The following EBF3 variants were observed in gnomAD, a reference collection of about 807,000 sequenced individuals.
The protein encoded by EBF3 is transcription factor COE3.
A neutral mutation model predicts 77.1 loss-of-function variants in EBF3; 18 were observed. The ratio of observed to expected loss-of-function variants is 0.23; its 90% CI spans 0.16 to 0.35. The LOEUF (loss-of-function observed/expected upper bound fraction) is 0.35, where lower values mean the gene tolerates loss of function less well. EBF3 is among the 10% of genes least tolerant of loss of function. EBF3 has a pLI of 1.00. For missense variants in EBF3, 558 were observed against 860.0 expected, an observed-to-expected ratio of 0.65 and a Z score of 4.39; for synonymous variants, 350 against 343.5, an observed-to-expected ratio of 1.02 and a Z score of -0.21.
At chr10:129,923,723 A>T (rs963323378) in intron 6 of EBF3, among the ~76,000 whole-genome samples, 1 of 152,266 alleles carries the variant, frequency 6.6e-6, no homozygotes, top group African/African-American at 2.4e-5. Flanking sequence ...AGATGTCGCA[A>T]CATTGGATTT....
At chr10:129,945,941 C>T (rs1422609057) in intron 6 of EBF3, among the ~76,000 whole-genome samples, 3 of 151,598 alleles carry the variant, frequency 2.0e-5, no homozygotes, top group Non-Finnish European at 2.9e-5. Flanking sequence ...TAGTGGAGGC[C>T]GCTGACAAAT....
intron 6 of EBF3, among the ~76,000 whole-genome samples, chr10:129,930,001 G>A (rs931585787): frequency 3.3e-5 from 5 of 152,254 alleles, no homozygotes; most frequent in East Asian, 1.9e-4. Flanking sequence ...TTAGGGGCCC[G>A]GAGAGAACAA....
At chr10:129,856,047 C>T (rs1435862469) in intron 10 of EBF3, among the ~76,000 whole-genome samples, 1 of 152,200 alleles carries the variant, frequency 6.6e-6, no homozygotes, top group African/African-American at 2.4e-5. Context: ...CCCGTGGGGA[C>T]GTTCCCAGCC....
chr10:129,888,469 A>C (rs1853773185), intron 6 of EBF3, among the ~76,000 whole-genome samples: 1 of 152,272 alleles, frequency 6.6e-6, no homozygotes, highest in Admixed American at 6.5e-5. Context: ...ATTGTTCACA[A>C]GGCCGCGGAG....
At chr10:129,907,119 G>C (rs1855199565) in intron 6 of EBF3, among the ~76,000 whole-genome samples, 2 of 152,242 alleles carry the variant, frequency 1.3e-5, no homozygotes, top group Non-Finnish European at 2.9e-5. Flanking sequence ...CGGCCTGCCA[G>C]AGAAGGGGGA....
chr10:129,940,763 G>A (rs1203834940), intron 6 of EBF3, among the ~76,000 whole-genome samples: 1 of 152,154 alleles, frequency 6.6e-6, no homozygotes, highest in East Asian at 1.9e-4. Context: ...CCCCACCCAG[G>A]GGTGGCCCAG....
chr10:129,866,215 G>A lies in EBF3; in HGVS notation c.1039+926C>T, dbSNP rs114110539. Among the ~76,000 whole-genome samples the A allele has an allele frequency of 3.5e-3, 536 of 152,162 alleles. 3 individuals are homozygous for A. Among genetic ancestry groups the A allele is most frequent in the African/African-American group, 0.011 (469 of 41,498 alleles). Reference sequence around the variant, plus strand: ...AGGTTCACTGCAGCCTTGACCTCCCGGGCTCAGGTGATCCTCCCACCTCAC... The same window carrying A: ...AGGTTCACTGCAGCCTTGACCTCCCAGGCTCAGGTGATCCTCCCACCTCAC... On this transcript the variant is annotated intron_variant, in intron 10 of 16. Coordinates refer to ENST00000440978, the MANE Select transcript of EBF3 (RefSeq NM_001375380.1).
chr10:129,950,786 T>G (rs932614700), intron 6 of EBF3, among the ~76,000 whole-genome samples: 2 of 152,230 alleles, frequency 1.3e-5, no homozygotes, highest in African/African-American at 4.8e-5. Flanking sequence ...GATTTGCTAT[T>G]AAGATAAACA....
At chr10:129,868,292 A>G (rs374956012) in intron 8 of EBF3, among the ~76,000 whole-genome samples, 28 of 152,314 alleles carry the variant, frequency 1.8e-4, no homozygotes, top group African/African-American at 6.5e-4. Context: ...TGGAAGAGCA[A>G]ATGCCTTGCA....
intron 6 of EBF3, among the ~76,000 whole-genome samples, chr10:129,908,998 T>C (rs1011831000): frequency 1.3e-5 from 2 of 152,230 alleles, no homozygotes; most frequent in Non-Finnish European, 2.9e-5. Context: ...CAATGTGGAC[T>C]TTACCTGCCC....
chr10:129,842,089 A>AG lies in EBF3; in HGVS notation c.1372+26dup. The AG allele has an allele frequency of 6.2e-7, 1 of 1,613,998 alleles. No individual in the cohort carries two copies. On this transcript the variant is annotated intron_variant, in intron 13 of 16. Transcript: ENST00000440978. The surrounding 1 kb of genome is among the most constrained non-coding windows in gnomAD (Gnocchi z 4.4). ...CCAACCCTCGGAGGGCGTTCAGGGC[A>AG]GGGGTCCTCCCAGCATGCTGGCATA...
At chr10:129,913,349 G>T (rs750999171) in intron 6 of EBF3, among the ~76,000 whole-genome samples, 4 of 152,372 alleles carry the variant, frequency 2.6e-5, no homozygotes, top group Middle Eastern at 3.4e-3. Context: ...AGGGCCCAAG[G>T]CTTGCTCCAG....
intron 6 of EBF3, among the ~76,000 whole-genome samples, chr10:129,884,929 T>C (rs1378095270): frequency 6.6e-6 from 1 of 152,156 alleles, no homozygotes; most frequent in Non-Finnish European, 1.5e-5. Flanking sequence ...TTAACAATAT[T>C]TGTACTACAA....
rs1248568997 is a variant in EBF3 at position 129,864,632 on chromosome 10, C to G, written c.1039+2509G>C. On this transcript the variant is annotated intron_variant, in intron 10 of 16. Transcript: ENST00000440978. This position sits in a 1 kb window ranked among gnomAD's most constrained non-coding sequence, Gnocchi z 4.4. ...ATGGGCTGACAGTCCAGTGTAAGAA[C>G]AGGGGGCTTATTCATCCATTTTTGT... 1.3e-5 allele frequency among the ~76,000 whole-genome samples: 2 copies of G among 152,204 alleles called. No individual in the cohort carries two copies. Among genetic ancestry groups the G allele is most frequent in the East Asian group, 1.9e-4 (1 of 5,190 alleles).
At position 129,875,187 on chromosome 10, in the gene EBF3, C is replaced by CTTCTT. The variant is rs1852672323; in HGVS notation, c.637-1592_637-1591insAAGAA. Among the ~76,000 whole-genome samples the CTTCTT allele has an allele frequency of 6.5e-5, 6 of 92,942 alleles. 1 individual carries two copies. The highest frequency in any genetic ancestry group is 2.5e-4 in the African/African-American group (6 of 24,406). 61.0% of individuals were successfully genotyped at this position (92,942 alleles called of 152,430 possible). ...ATACATGTGCAAGTGATGGCTTCTT[C>CTTCTT]TTTTTTTTTTTTTTTTTTTTTTTTT... On this transcript the variant is annotated intron_variant, in intron 7 of 16. Transcript: ENST00000440978.
chr10:129,924,339 C>A (rs1477911701), intron 6 of EBF3, among the ~76,000 whole-genome samples: 1 of 150,830 alleles, frequency 6.6e-6, no homozygotes, highest in South Asian at 2.1e-4. Flanking sequence ...CACTTGAACC[C>A]GGGAAGTGGA....
In EBF3 at chr10:129,836,121, TTG is replaced by T. The variant is rs975241203; in HGVS notation, c.*1820_*1821del. The T allele has an allele frequency of 6.6e-5, 10 of 152,610 alleles. No individual in the cohort carries two copies. Among genetic ancestry groups the T allele is most frequent in the Non-Finnish European group, 1.3e-4 (9 of 68,046 alleles). 9.5% of individuals were successfully genotyped at this position (152,610 alleles called of 1,614,324 possible). On this transcript the variant is annotated 3_prime_UTR_variant, in exon 17 of 17. Transcript: ENST00000440978. ...GGTCATGCAGCGGGCTTGTGCTTTT[TTG>T]TGTGTGTTTGTGTGTTTTACACCAT... is the stretch of plus-strand genomic sequence containing the variant.
At chr10:129,959,030 C>T in intron 4 of EBF3, 23 bp from the exon 5 acceptor site, 1 of 1,596,502 alleles carries the variant, frequency 6.3e-7, no homozygotes, top group Non-Finnish European at 8.5e-7. Flanking sequence ...CAAGCAGAGG[C>T]TGGGGTTACG....
chr10:129,962,725 C>A (rs958037834), intron 3 of EBF3, among the ~76,000 whole-genome samples: 1 of 152,178 alleles, frequency 6.6e-6, no homozygotes, highest in Non-Finnish European at 1.5e-5. Context: ...GAGCCCGTAT[C>A]GATCTTTTTC....
Sources: allele counts gnomAD v4.1 joint callset (sites outside exome capture counted in the v4.1 genomes callset), GRCh38; gene constraint gnomAD v4.1.1; non-coding constraint Gnocchi (gnomAD v3.1); transcripts MANE v1.5; gene names NCBI Gene and HGNC (gene_info 2026-07-23, HGNC 2026-07-21).